Variants in LHPP observed in about 807,000 individuals in gnomAD.
LHPP encodes phospholysine phosphohistidine inorganic pyrophosphate phosphatase.
LHPP carries 24 observed loss-of-function variants against 30.3 expected under a neutral mutation model. The ratio of observed to expected loss-of-function variants is 0.79; its 90% CI spans 0.57 to 1.11. LHPP has a LOEUF of 1.11. Ranked by LOEUF, LHPP falls within the 50% of genes most tolerant of loss-of-function variation. The pLI is 0.00. For synonymous variants in LHPP, 150 were observed against 157.1 expected (o/e 0.95, Z 0.34); for missense variants, 356 against 367.2 (o/e 0.97, Z 0.25).
chr10:124,498,986 A>G (rs560061401), intron 5 of LHPP, among the ~76,000 whole-genome samples: 182 of 151,508 alleles, frequency 1.2e-3, no homozygotes, highest in Middle Eastern at 3.4e-3. Context: ...GGTTCAAGCA[A>G]TTCTTCTGCC....
chr10:124,518,091 C>T (rs1343228633), intron 6 of LHPP, among the ~76,000 whole-genome samples: 1 of 152,092 alleles, frequency 6.6e-6, no homozygotes, highest in Non-Finnish European at 1.5e-5. Context: ...TCAGAGGGCC[C>T]GACCGTCGCT....
intron 1 of LHPP, among the ~76,000 whole-genome samples, chr10:124,469,885 G>T (rs1196666536): frequency 6.6e-6 from 1 of 152,122 alleles, no homozygotes; most frequent in Non-Finnish European, 1.5e-5. Flanking sequence ...CAGATCCCAT[G>T]GCGAGGGAGC....
intron 5 of LHPP, among the ~76,000 whole-genome samples, chr10:124,515,334 GA>G (rs2133907903): frequency 6.6e-6 from 1 of 152,198 alleles, no homozygotes; most frequent in Non-Finnish European, 1.5e-5. Flanking sequence ...TTCATCTCTA[GA>G]AGCTTGGTTT....
At chr10:124,468,946 C>G (rs1323815995) in intron 1 of LHPP, among the ~76,000 whole-genome samples, 1 of 152,216 alleles carries the variant, frequency 6.6e-6, no homozygotes, top group East Asian at 1.9e-4. Flanking sequence ...GGAATTTTCC[C>G]TGGGGATTTT....
Position 124,603,169 on chromosome 10 carries a change from G to A in LHPP, c.717-10095G>A, listed in dbSNP as rs114787281. On this transcript the variant is annotated intron_variant, in intron 6 of 6. Coordinates refer to ENST00000368842, the MANE Select transcript of LHPP (RefSeq NM_022126.4). The stretch of plus-strand genomic sequence containing the variant: ...CAGCCTAGCTGGACACCTGCAGTGC[G>A]CTCATGCCCAGCCTCTGTGGGTGTC... Among the ~76,000 whole-genome samples, 358 of 152,338 alleles carry A rather than the reference G, an allele frequency of 2.4e-3. 3 individuals carry two copies. The highest frequency in any genetic ancestry group is 8.2e-3 in the African/African-American group (342 of 41,586).
rs1431156327 is a variant in LHPP at position 124,498,339 on chromosome 10, A to G, written c.624+211A>G. 3 of 1,572,518 alleles carry G rather than the reference A, an allele frequency of 1.9e-6. No individual in the cohort carries two copies. The South Asian group carries it at 3.5e-5, about 18-fold the overall frequency. On this transcript the variant is annotated intron_variant, in intron 5 of 6. Coordinates refer to ENST00000368842, the MANE Select transcript of LHPP (RefSeq NM_022126.4). ...TTTCAACCGTGAAGTTACTTTCAGT[A>G]TGAAAGCAAGAAGCAGAAATGCCTG...
intron 6 of LHPP, among the ~76,000 whole-genome samples, chr10:124,555,563 C>G (rs569927893): frequency 1.3e-5 from 2 of 152,124 alleles, no homozygotes; most frequent in African/African-American, 4.8e-5. Flanking sequence ...GTGAGGTCAG[C>G]ATGGGGGACC....
intron 6 of LHPP, among the ~76,000 whole-genome samples, chr10:124,559,546 C>T (rs1437891259): frequency 3.9e-5 from 6 of 152,250 alleles, no homozygotes; most frequent in Admixed American, 3.9e-4. Flanking sequence ...AAATGGAGGT[C>T]ACCACCCTGG....
At chr10:124,597,875 C>T (rs1282239327) in intron 6 of LHPP, among the ~76,000 whole-genome samples, 1 of 152,198 alleles carries the variant, frequency 6.6e-6, no homozygotes, top group East Asian at 1.9e-4. Context: ...GTGTTTTTAT[C>T]AAAATATCAA....
chr10:124,613,710 A>G lies in LHPP; in HGVS notation c.*350A>G, dbSNP rs1037572227. 2.8e-6 allele frequency: 1 copy of G among 351,064 alleles called. No individual in the cohort carries two copies. The highest frequency in any genetic ancestry group is 2.1e-5 in the African/African-American group (1 of 48,072). The allele number at this position is 351,064 out of a possible 1,614,324, so 21.7% of individuals were successfully genotyped here. On this transcript the variant is annotated 3_prime_UTR_variant, in exon 7 of 7. Coordinates refer to ENST00000368842, the MANE Select transcript of LHPP (RefSeq NM_022126.4). ...CAAATCCCAGAACTCACCACTCACC[A>G]TGGGCCTTTAAATGCAGTAAACTCC...
At chr10:124,514,352 T>A (rs192929822) in intron 5 of LHPP, among the ~76,000 whole-genome samples, 242 of 152,346 alleles carry the variant, frequency 1.6e-3, no homozygotes, top group Non-Finnish European at 2.8e-3. Flanking sequence ...CCAAAGGACT[T>A]CTTCTACATT....
rs1282138938 is a variant in LHPP, at chr10:124,517,531, G to A, written c.716+260G>A. Among the ~76,000 whole-genome samples, 1 of 152,132 alleles carries A rather than the reference G, an allele frequency of 6.6e-6. No individual in the cohort carries two copies. Among genetic ancestry groups the A allele is most frequent in the Non-Finnish European group, 1.5e-5 (1 of 68,020 alleles). ...GCAGTGCAGAGAGAAATAAGCAAAGGCACTATCCATCCTGGCGGCGGCCCA... is the reference window on the plus strand; with the variant it reads ...GCAGTGCAGAGAGAAATAAGCAAAGACACTATCCATCCTGGCGGCGGCCCA... On this transcript the variant is annotated intron_variant, in intron 6 of 6. Coordinates refer to ENST00000368842, the MANE Select transcript of LHPP (RefSeq NM_022126.4). The surrounding 1 kb of genome is among the most constrained non-coding windows in gnomAD (Gnocchi z 4.1).
chr10:124,609,840 T>C (rs1290420711), intron 6 of LHPP, among the ~76,000 whole-genome samples: 11 of 152,246 alleles, frequency 7.2e-5, no homozygotes, highest in Admixed American at 2.6e-4. Flanking sequence ...GATTGAGCCG[T>C]TGTGGAGTAT....
chr10:124,536,076 CGCGGAA>C (rs1252468135), intron 6 of LHPP, among the ~76,000 whole-genome samples: 1 of 152,258 alleles, frequency 6.6e-6, no homozygotes, highest in African/African-American at 2.4e-5. Context: ...CTGTTACAGA[CGCGGAA>C]GCCGGGGTGG....
intron 6 of LHPP, among the ~76,000 whole-genome samples, chr10:124,569,211 C>T (rs970537961): frequency 7.9e-5 from 12 of 152,172 alleles, no homozygotes; most frequent in Non-Finnish European, 1.5e-4. Flanking sequence ...TTGAGGTGGC[C>T]CTGAGACTGT....
intron 6 of LHPP, among the ~76,000 whole-genome samples, chr10:124,585,546 T>G: frequency 6.7e-6 from 1 of 149,048 alleles, no homozygotes; most frequent in South Asian, 2.1e-4. Flanking sequence ...ACCCAGGAGA[T>G]GGAGGTTGCA....
At chr10:124,472,129 T>G (rs1952797307) in intron 1 of LHPP, among the ~76,000 whole-genome samples, 1 of 151,450 alleles carries the variant, frequency 6.6e-6, no homozygotes. Flanking sequence ...CTGGCCCACA[T>G]AGTGAAACCC....
At position 124,496,921 on chromosome 10, in the gene LHPP, C is replaced by G; in HGVS notation, c.468-40C>G. The G allele has an allele frequency of 6.3e-7, 1 of 1,581,670 alleles. No homozygotes were observed. The highest frequency in any genetic ancestry group is 8.7e-7 in the Non-Finnish European group (1 of 1,154,810). On this transcript the variant is annotated intron_variant, in intron 3 of 6. Coordinates refer to ENST00000368842, the MANE Select transcript of LHPP (RefSeq NM_022126.4). This position sits in a 1 kb window ranked among gnomAD's most constrained non-coding sequence, Gnocchi z 4.3. ...TACTTAGCATCCTGCGGTCAGCTCC[C>G]CGTGCTCAGCATCCCGTGCTCCGTT...
At position 124,462,112 on chromosome 10, in the gene LHPP, C is replaced by CCCGCCTCGGTCTCCCCT. The variant is rs1564759804; in HGVS notation, c.125+125_125+126insCCGCCTCGGTCTCCCCT. 8.9e-6 allele frequency: 8 copies of CCCGCCTCGGTCTCCCCT among 900,904 alleles called. No individual in the cohort carries two copies. The African/African-American group carries it at 1.2e-4, about 14-fold the overall frequency. 55.8% of individuals were successfully genotyped at this position (900,904 alleles called of 1,614,324 possible). A position where few individuals can be genotyped will look rare whatever the true frequency, so the allele number is the denominator to read the frequency against. On this transcript the variant is annotated intron_variant, in intron 1 of 6. Transcript: ENST00000368842. ...GCGCAGGCCCCGCCTCGGTCTCCCC[C>CCCGCCTCGGTCTCCCCT]TTCCCACCCCGGTGCGCGCACAGTG...
Sources: gnomAD v4.1 joint callset for allele counts (sites outside exome capture counted in the v4.1 genomes callset) on GRCh38, gnomAD v4.1.1 for gene constraint, Gnocchi (gnomAD v3.1) non-coding constraint, MANE v1.5 for transcripts, NCBI Gene and HGNC (gene_info 2026-07-23, HGNC 2026-07-21) for gene names.